SORCS3: variants seen among roughly 807,000 people sequenced by gnomAD.
SORCS3 encodes the protein sortilin related VPS10 domain containing receptor 3.
In SORCS3, 57 loss-of-function variants were observed where a neutral mutation model predicts 146.3. The observed-to-expected ratio is 0.39, with a 90% CI of 0.31 to 0.49. The LOEUF is 0.49. SORCS3 is among the 20% of genes least tolerant of loss of function. The pLI is 0.92. For synonymous variants in SORCS3, 653 were observed against 618.5 expected (o/e 1.06, Z -0.83); for missense variants, 1,341 against 1,575.5 (o/e 0.85, Z 2.52).
At chr10:104,696,675 C>CGT (rs1564661585) in intron 1 of SORCS3, among the ~76,000 whole-genome samples, 131 of 8,808 alleles carry the variant, frequency 0.015, 23 homozygotes, top group African/African-American at 0.019. Flanking sequence ...TAATATATAA[C>CGT]ATATATAATA....
chr10:104,671,784 T>C (rs963569888), intron 1 of SORCS3, among the ~76,000 whole-genome samples: 6 of 152,148 alleles, frequency 3.9e-5, no homozygotes, highest in Non-Finnish European at 8.8e-5. Context: ...CTGGTCAATT[T>C]TCATAAGTTG....
intron 2 of SORCS3, among the ~76,000 whole-genome samples, chr10:104,895,039 G>A (rs1416798043): frequency 1.3e-5 from 2 of 152,192 alleles, no homozygotes; most frequent in African/African-American, 2.4e-5. Context: ...GGCAGCAGGT[G>A]TGGGGCTCCA....
chr10:105,046,361 A>T (rs1368454677), intron 5 of SORCS3, among the ~76,000 whole-genome samples: 1 of 152,038 alleles, frequency 6.6e-6, no homozygotes, highest in Non-Finnish European at 1.5e-5. Flanking sequence ...TAAAGGATAG[A>T]TCCTTCATGA....
At chr10:105,202,341 C>T (rs533406182) in intron 16 of SORCS3, among the ~76,000 whole-genome samples, 62 of 152,164 alleles carry the variant, frequency 4.1e-4, no homozygotes, top group South Asian at 2.7e-3. Context: ...GTATTGCAAC[C>T]GCATTACCAC....
rs949667460 is a variant in SORCS3, at chr10:104,736,106, T to C, written c.627+94152T>C. On this transcript the variant is annotated intron_variant, in intron 1 of 26. Coordinates refer to ENST00000369701, the MANE Select transcript of SORCS3 (RefSeq NM_014978.3). ...CAAGGGCTGCCCAGGAATCCAGTTA[T>C]GAAACAAACCAGCCAGCCTTCTTAA... Among the ~76,000 whole-genome samples the C allele has an allele frequency of 3.7e-4, 57 of 152,216 alleles. 1 individual carries two copies. The highest frequency in any genetic ancestry group is 1.2e-3 in the African/African-American group (50 of 41,464).
intron 4 of SORCS3, among the ~76,000 whole-genome samples, chr10:104,999,595 C>T (rs922299997): frequency 6.6e-6 from 1 of 152,112 alleles, no homozygotes; most frequent in African/African-American, 2.4e-5. Context: ...TTCCTTTACC[C>T]TTGTCTTATG....
intron 1 of SORCS3, among the ~76,000 whole-genome samples, chr10:104,788,698 G>A (rs932150595): frequency 6.6e-6 from 1 of 152,162 alleles, no homozygotes; most frequent in Non-Finnish European, 1.5e-5. Flanking sequence ...AGATCTAATA[G>A]TGGCTAGCAA....
chr10:105,008,600 A>G (rs1003014736), intron 4 of SORCS3, among the ~76,000 whole-genome samples: 2 of 152,170 alleles, frequency 1.3e-5, no homozygotes, highest in Non-Finnish European at 2.9e-5. Flanking sequence ...TGAAACTATA[A>G]TGAAAGGTAG....
chr10:104,973,859 T>C (rs1204399302), intron 3 of SORCS3, among the ~76,000 whole-genome samples: 1 of 149,268 alleles, frequency 6.7e-6, no homozygotes, highest in African/African-American at 2.6e-5. Flanking sequence ...CTCTACACAC[T>C]GCTTTGAATG....
intron 4 of SORCS3, among the ~76,000 whole-genome samples, chr10:105,034,360 GCATGTTTGAGA>G (rs2055291584): frequency 2.0e-5 from 3 of 152,128 alleles, no homozygotes; most frequent in Admixed American, 1.3e-4. Context: ...AGAGTTCATG[GCATGTTTGAGA>G]AACTAAATGG....
chr10:105,074,229 A>G (rs1454812373), intron 5 of SORCS3, among the ~76,000 whole-genome samples: 1 of 152,196 alleles, frequency 6.6e-6, no homozygotes, highest in Non-Finnish European at 1.5e-5. Flanking sequence ...CTGTGGAGCC[A>G]AGTCCGTGTG....
chr10:104,691,099 C>T (rs1298737023), intron 1 of SORCS3, among the ~76,000 whole-genome samples: 2 of 152,160 alleles, frequency 1.3e-5, no homozygotes, highest in Non-Finnish European at 2.9e-5. Flanking sequence ...GCCCTCCTGA[C>T]ATGCAATAAA....
At chr10:104,729,931 GTTTTC>G (rs1418405665) in intron 1 of SORCS3, among the ~76,000 whole-genome samples, 17 of 152,214 alleles carry the variant, frequency 1.1e-4, no homozygotes, top group African/African-American at 4.1e-4. Context: ...CTGAGCCTCA[GTTTTC>G]TTATCAGTAA....
chr10:104,711,117 A>G (rs2016410531), intron 1 of SORCS3, among the ~76,000 whole-genome samples: 2 of 152,190 alleles, frequency 1.3e-5, no homozygotes, highest in South Asian at 4.1e-4. Flanking sequence ...CTTAGCTGTC[A>G]TTATTCTTGA....
intron 2 of SORCS3, among the ~76,000 whole-genome samples, chr10:104,894,155 CATT>C (rs1242014392): frequency 2.0e-5 from 3 of 152,166 alleles, no homozygotes; most frequent in African/African-American, 7.2e-5. Context: ...GCTTTCTTAT[CATT>C]GTTTTACACA....
chr10:105,255,917 G>C, intron 24 of SORCS3, 116 bp downstream of exon 24: 1 of 761,104 alleles, frequency 1.3e-6, no homozygotes. Context: ...TTTGTAGAAG[G>C]GTCCTTTTTG....
chr10:104,950,383 G>A (rs1250679072), intron 3 of SORCS3, among the ~76,000 whole-genome samples: 2 of 152,156 alleles, frequency 1.3e-5, no homozygotes, highest in Admixed American at 6.5e-5. Flanking sequence ...TCTAGGGTAT[G>A]TTGCTTAATC....
At chr10:104,962,765 G>A (rs537220749) in intron 3 of SORCS3, among the ~76,000 whole-genome samples, 16 of 152,236 alleles carry the variant, frequency 1.1e-4, no homozygotes, top group South Asian at 2.1e-4. Flanking sequence ...GCTCACTGCC[G>A]AAAATTTGGG....
intron 5 of SORCS3, among the ~76,000 whole-genome samples, chr10:105,043,567 A>G (rs1025668545): frequency 9.2e-5 from 14 of 152,202 alleles, no homozygotes; most frequent in Admixed American, 2.6e-4. Context: ...TTCTTCTTTC[A>G]TAAGAGTTTC....
Sources: gnomAD v4.1 joint callset for allele counts (sites outside exome capture counted in the v4.1 genomes callset) on GRCh38, gnomAD v4.1.1 for gene constraint, MANE v1.5 for transcripts, NCBI Gene and HGNC (gene_info 2026-07-23, HGNC 2026-07-21) for gene names.